The following PPM1E variants were observed in gnomAD, a reference collection of about 807,000 sequenced individuals.
PPM1E encodes the protein protein phosphatase, Mg2+/Mn2+ dependent 1E.
A neutral mutation model predicts 65.9 loss-of-function variants in PPM1E; 20 were observed. The ratio of observed to expected loss-of-function variants is 0.30; its 90% CI spans 0.21 to 0.44. The LOEUF (loss-of-function observed/expected upper bound fraction) is 0.44, where lower values mean the gene tolerates loss of function less well. Ranked by LOEUF, PPM1E falls within the 20% of genes least tolerant of loss-of-function variation. PPM1E has a pLI of 1.00. For missense variants in PPM1E, 713 were observed against 953.1 expected, an observed-to-expected ratio of 0.75 and a Z score of 3.32; for synonymous variants, 352 against 374.9, an observed-to-expected ratio of 0.94 and a Z score of 0.70.
chr17:58,894,269 T>G (rs1400002228), intron 1 of PPM1E, among the ~76,000 whole-genome samples: 1 of 152,134 alleles, frequency 6.6e-6, no homozygotes, highest in Non-Finnish European at 1.5e-5. Flanking sequence ...TTAACAGGTT[T>G]GCACCACCAG....
intron 1 of PPM1E, among the ~76,000 whole-genome samples, chr17:58,763,037 G>A (rs1396075294): frequency 3.3e-5 from 5 of 151,902 alleles, no homozygotes; most frequent in Non-Finnish European, 5.9e-5. Flanking sequence ...ATTATACTAT[G>A]ATTTATCCAA....
chr17:58,834,371 T>C (rs966219202), intron 1 of PPM1E, among the ~76,000 whole-genome samples: 1 of 152,208 alleles, frequency 6.6e-6, no homozygotes, highest in Non-Finnish European at 1.5e-5. Flanking sequence ...TTTCTTAATA[T>C]CTTTCACAGA....
chr17:58,788,015 A>G (rs1315229907), intron 1 of PPM1E, among the ~76,000 whole-genome samples: 1 of 151,802 alleles, frequency 6.6e-6, no homozygotes, highest in Non-Finnish European at 1.5e-5. Context: ...CCAAATTTCT[A>G]TTTTTGCAGT....
At chr17:58,818,924 G>A (rs2143128979) in intron 1 of PPM1E, among the ~76,000 whole-genome samples, 1 of 152,294 alleles carries the variant, frequency 6.6e-6, no homozygotes, top group Non-Finnish European at 1.5e-5. Context: ...GATCACCTGA[G>A]GTCAGACATT....
intron 1 of PPM1E, among the ~76,000 whole-genome samples, chr17:58,871,892 GTTAGTT>G (rs1177845756): frequency 6.6e-6 from 1 of 151,924 alleles, no homozygotes; most frequent in African/African-American, 2.4e-5. Context: ...TCAGAATCTG[GTTAGTT>G]TTAAAGATTA....
At chr17:58,783,718 G>GT (rs1401742956) in intron 1 of PPM1E, among the ~76,000 whole-genome samples, 2 of 151,918 alleles carry the variant, frequency 1.3e-5, no homozygotes, top group Non-Finnish European at 2.9e-5. Context: ...GGTTTTGTTT[G>GT]TTTTTTTGAG....
At chr17:58,834,647 A>C (rs1282202077) in intron 1 of PPM1E, among the ~76,000 whole-genome samples, 1 of 152,198 alleles carries the variant, frequency 6.6e-6, no homozygotes, top group Non-Finnish European at 1.5e-5. Context: ...TGTTAAAACG[A>C]CTATCCTTGC....
chr17:58,812,073 A>G (rs923245514), intron 1 of PPM1E, among the ~76,000 whole-genome samples: 1 of 152,122 alleles, frequency 6.6e-6, no homozygotes. Flanking sequence ...CCTGAAAGAT[A>G]AGGAACTAAA....
At chr17:58,947,954 G>A (rs950179320) in intron 1 of PPM1E, among the ~76,000 whole-genome samples, 2 of 152,084 alleles carry the variant, frequency 1.3e-5, no homozygotes, top group African/African-American at 4.8e-5. Context: ...ACATCCACAT[G>A]AGCCTGTTCA....
intron 1 of PPM1E, among the ~76,000 whole-genome samples, chr17:58,903,577 A>G (rs1167451119): frequency 6.6e-6 from 1 of 152,240 alleles, no homozygotes; most frequent in East Asian, 1.9e-4. Context: ...GGGAAAAAGA[A>G]GTGGAGAACA....
At chr17:58,796,846 C>T (rs2144276923) in intron 1 of PPM1E, among the ~76,000 whole-genome samples, 1 of 152,272 alleles carries the variant, frequency 6.6e-6, no homozygotes, top group African/African-American at 2.4e-5. Flanking sequence ...TGGCTCACAC[C>T]TGTAATCCTA....
At chr17:58,960,722 C>T (rs565809112) in intron 2 of PPM1E, among the ~76,000 whole-genome samples, 18 of 148,722 alleles carry the variant, frequency 1.2e-4, no homozygotes, top group East Asian at 7.9e-4. Context: ...GCTGAGATCA[C>T]GCCACTGCAC....
intron 1 of PPM1E, among the ~76,000 whole-genome samples, chr17:58,909,727 A>G (rs2051600680): frequency 6.6e-6 from 1 of 151,886 alleles, no homozygotes; most frequent in Admixed American, 6.6e-5. Flanking sequence ...TTCTTTCAAG[A>G]TTTCATTCTT....
At position 58,838,310 on chromosome 17, in the gene PPM1E, C is replaced by CA. The variant is rs1313481416; in HGVS notation, c.464+81855dup. On this transcript the variant is annotated intron_variant, in intron 1 of 6. Transcript: ENST00000308249. ...ATAAAGGACTTGTACCCAAAATATACAAAAAACACTTACAATTCAACAATA... is the reference window on the plus strand; with the variant it reads ...ATAAAGGACTTGTACCCAAAATATACAAAAAAACACTTACAATTCAACAATA... 5.3e-5 allele frequency among the ~76,000 whole-genome samples: 8 copies of CA among 152,100 alleles called. No individual in the cohort carries two copies. The East Asian group carries it at 1.4e-3, about 26-fold the overall frequency.
chr17:58,882,582 G>C (rs2051209178), intron 1 of PPM1E, among the ~76,000 whole-genome samples: 1 of 151,916 alleles, frequency 6.6e-6, no homozygotes, highest in Non-Finnish European at 1.5e-5. Context: ...GTAGAGACAG[G>C]GTTTCACCAT....
At chr17:58,979,948 A>G (rs750484069) in intron 6 of PPM1E, 26 bp from the exon 7 acceptor site, 4 of 1,562,932 alleles carry the variant, frequency 2.6e-6, no homozygotes, top group Non-Finnish European at 3.5e-6. Flanking sequence ...AATGCTAATG[A>G]TGCCCCTACA....
intron 6 of PPM1E, among the ~76,000 whole-genome samples, chr17:58,976,154 A>C (rs1455131096): frequency 6.6e-6 from 1 of 152,160 alleles, no homozygotes; most frequent in Non-Finnish European, 1.5e-5. Context: ...CAAGGAAGAG[A>C]GCAAGTAGAG....
intron 2 of PPM1E, among the ~76,000 whole-genome samples, chr17:58,959,786 A>T (rs2029975631): frequency 6.6e-6 from 1 of 152,154 alleles, no homozygotes; most frequent in East Asian, 1.9e-4. Flanking sequence ...GTATAATACT[A>T]GGGAAACAGC....
intron 1 of PPM1E, among the ~76,000 whole-genome samples, chr17:58,766,287 C>T (rs1420474746): frequency 5.3e-5 from 8 of 149,866 alleles, no homozygotes; most frequent in Admixed American, 4.0e-4. Context: ...CTGCAACCTC[C>T]GCCTCCCAGG....
Sources: gnomAD v4.1 joint callset for allele counts (sites outside exome capture counted in the v4.1 genomes callset) on GRCh38, gnomAD v4.1.1 for gene constraint, MANE v1.5 for transcripts, NCBI Gene and HGNC (gene_info 2026-07-23, HGNC 2026-07-21) for gene names.